The following UBE2D2 variants were observed in gnomAD, a reference collection of about 807,000 sequenced individuals.
UBE2D2 encodes the protein ubiquitin-conjugating enzyme E2 D2.
Under a neutral mutation model 24.2 loss-of-function variants are expected in UBE2D2, and 2 were observed. That is an observed-to-expected ratio of 0.08 (90% CI 0.03 to 0.26). The LOEUF (loss-of-function observed/expected upper bound fraction) is 0.26, where lower values mean the gene tolerates loss of function less well. UBE2D2 is among the 10% of genes least tolerant of loss of function. The pLI, the probability that UBE2D2 is intolerant of heterozygous loss-of-function variation, is 1.00. For synonymous variants in UBE2D2, 58 were observed against 56.5 expected, an observed-to-expected ratio of 1.03 and a Z score of -0.12; for missense variants, 44 against 177.6, an observed-to-expected ratio of 0.25 and a Z score of 4.28.
In UBE2D2 at chr5:139,605,669, C is replaced by A. The variant is rs527271854; in HGVS notation, c.88+5234C>A. ...TTAATGGCCATATATCTGTTTCCTT[C>A]TCTCTTCCCTCCCTTCCTTTCCCCC... On this transcript the variant is annotated intron_variant, in intron 2 of 6. Coordinates refer to ENST00000398733, the MANE Select transcript of UBE2D2 (RefSeq NM_003339.3). 8.8e-4 allele frequency among the ~76,000 whole-genome samples: 131 copies of A among 149,310 alleles called. 3 individuals are homozygous for A. In the Middle Eastern group the frequency reaches 0.011, roughly 12 times the overall value.
chr5:139,560,073 G>A (rs1450414751), upstream of UBE2D2, among the ~76,000 whole-genome samples: 1 of 147,720 alleles, frequency 6.8e-6, no homozygotes, highest in Non-Finnish European at 1.5e-5. Context: ...TTTGCTCGTC[G>A]CCCAGGCTGG....
At chr5:139,546,632 A>G (rs1752828375) in intron 1 of UBE2D2, among the ~76,000 whole-genome samples, 1 of 151,794 alleles carries the variant, frequency 6.6e-6, no homozygotes, top group Non-Finnish European at 1.5e-5. Flanking sequence ...ACAGGCATGC[A>G]CCACCACGCC....
At chr5:139,625,794 G>T (rs958416801) in intron 6 of UBE2D2, among the ~76,000 whole-genome samples, 1 of 151,330 alleles carries the variant, frequency 6.6e-6, no homozygotes, top group Non-Finnish European at 1.5e-5. Flanking sequence ...CAGTAGAGAC[G>T]GGATTTTGCC....
chr5:139,538,318 T>C (rs553819364), intron 1 of UBE2D2, among the ~76,000 whole-genome samples: 4 of 152,118 alleles, frequency 2.6e-5, no homozygotes, highest in Non-Finnish European at 5.9e-5. Flanking sequence ...AAAAGTACTT[T>C]ATAGAACACT....
At chr5:139,564,370 T>C (rs1262565274) in intron 1 of UBE2D2, among the ~76,000 whole-genome samples, 1 of 151,914 alleles carries the variant, frequency 6.6e-6, no homozygotes, top group Non-Finnish European at 1.5e-5. Context: ...GCCAGGCTGA[T>C]TTCTAGTTCC....
At chr5:139,597,545 A>T (rs1341596835) in intron 1 of UBE2D2, among the ~76,000 whole-genome samples, 2 of 152,242 alleles carry the variant, frequency 1.3e-5, no homozygotes, top group African/African-American at 4.8e-5. Context: ...GTTATTCAGC[A>T]TGGAAAAAAG....
chr5:139,562,007 C>A, intron 1 of UBE2D2, 192 bp downstream of exon 1: 1 of 913,120 alleles, frequency 1.1e-6, no homozygotes, highest in Non-Finnish European at 1.6e-6. Flanking sequence ...CGCGCTTAGG[C>A]CGGAGGTGCT....
chr5:139,567,376 G>A (rs562855487), intron 1 of UBE2D2, among the ~76,000 whole-genome samples: 90 of 151,848 alleles, frequency 5.9e-4, no homozygotes, highest in Non-Finnish European at 1.1e-3. Context: ...GGGAATACAA[G>A]CATGAGACAC....
At chr5:139,623,315 C>G in intron 5 of UBE2D2, 53 bp from the exon 6 acceptor site, 1 of 1,384,690 alleles carries the variant, frequency 7.2e-7, no homozygotes, top group Non-Finnish European at 1.0e-6. Flanking sequence ...TCATGTTTCT[C>G]TCAACCCTTT....
intron 5 of UBE2D2, among the ~76,000 whole-genome samples, chr5:139,616,659 G>T (rs1754427076): frequency 6.6e-6 from 1 of 152,108 alleles, no homozygotes; most frequent in African/African-American, 2.4e-5. Context: ...TCAAGTAGAG[G>T]TATAGATTTG....
chr5:139,539,343 G>A (rs188992237), intron 1 of UBE2D2, among the ~76,000 whole-genome samples: 42 of 152,102 alleles, frequency 2.8e-4, no homozygotes, highest in African/African-American at 9.9e-4. Flanking sequence ...ATCTCAAAAG[G>A]TCACATACTA....
chr5:139,599,404 A>C (rs781297132), intron 1 of UBE2D2, among the ~76,000 whole-genome samples: 2 of 151,950 alleles, frequency 1.3e-5, no homozygotes, highest in Non-Finnish European at 2.9e-5. Context: ...ATTGGCCTTA[A>C]ATTTTTTTTT....
In UBE2D2 at chr5:139,573,229, G is replaced by A. The variant is rs151148748; in HGVS notation, c.24+11414G>A. Among the ~76,000 whole-genome samples, 868 of 151,230 alleles carry A rather than the reference G, an allele frequency of 5.7e-3. 13 individuals are homozygous for A. Among genetic ancestry groups the A allele is most frequent in the African/African-American group, 0.018 (738 of 41,170 alleles). On this transcript the variant is annotated intron_variant, in intron 1 of 6. Coordinates refer to ENST00000398733, the MANE Select transcript of UBE2D2 (RefSeq NM_003339.3). ...AGGCAGGACAATGGCGTGAACCTGG[G>A]AGGCGGAACTTGCAGTGAGCCGAGA...
chr5:139,552,670 G>A (rs1464848788), intron 1 of UBE2D2, among the ~76,000 whole-genome samples: 6 of 125,138 alleles, frequency 4.8e-5, no homozygotes, highest in African/African-American at 1.7e-4. Flanking sequence ...CACCACGCTT[G>A]GCTAATTTTT....
intron 1 of UBE2D2, among the ~76,000 whole-genome samples, chr5:139,549,330 G>C (rs895570648): frequency 2.6e-5 from 4 of 152,160 alleles, no homozygotes; most frequent in East Asian, 3.9e-4. Context: ...CTCTGCTTGC[G>C]GGGAGGTGTG....
Position 139,580,418 on chromosome 5 carries a change from T to C in UBE2D2, c.24+18603T>C, listed in dbSNP as rs181535974. On this transcript the variant is annotated intron_variant, in intron 1 of 6. Coordinates refer to ENST00000398733, the MANE Select transcript of UBE2D2 (RefSeq NM_003339.3). ...AGTGGATGGCTTGAGTCCAGGAGTATAAGGCCAGCTGGGACAGCGTAACAG... is the reference window on the plus strand; with the variant it reads ...AGTGGATGGCTTGAGTCCAGGAGTACAAGGCCAGCTGGGACAGCGTAACAG... Among the ~76,000 whole-genome samples the C allele has an allele frequency of 3.5e-3, 538 of 152,196 alleles. 5 individuals carry two copies. Among genetic ancestry groups the C allele is most frequent in the African/African-American group, 0.011 (447 of 41,560 alleles).
intron 1 of UBE2D2, among the ~76,000 whole-genome samples, chr5:139,599,320 C>T (rs896522437): frequency 2.0e-5 from 3 of 152,028 alleles, no homozygotes; most frequent in African/African-American, 4.8e-5. Context: ...GTCAGATGGT[C>T]CAGTATAATT....
At chr5:139,602,267 G>C (rs1037225653) in intron 2 of UBE2D2, among the ~76,000 whole-genome samples, 1 of 152,360 alleles carries the variant, frequency 6.6e-6, no homozygotes, top group East Asian at 1.9e-4. Context: ...GGCGAGGCTG[G>C]TCTTGAATTC....
chr5:139,602,226 A>C (rs1251746509), intron 2 of UBE2D2, among the ~76,000 whole-genome samples: 4 of 152,018 alleles, frequency 2.6e-5, no homozygotes, highest in African/African-American at 9.7e-5. Flanking sequence ...TAGTTTTTGT[A>C]TTTTTAGTAG....
Sources: allele counts gnomAD v4.1 joint callset (sites outside exome capture counted in the v4.1 genomes callset), GRCh38; gene constraint gnomAD v4.1.1; transcripts MANE v1.5; gene names NCBI Gene and HGNC (gene_info 2026-07-23, HGNC 2026-07-21).